The following ZFYVE28 variants were observed in gnomAD, a reference collection of about 807,000 sequenced individuals.
ZFYVE28 encodes the protein lateral signaling target protein 2 homolog.
A neutral mutation model predicts 82.1 loss-of-function variants in ZFYVE28; 40 were observed. That is an observed-to-expected ratio of 0.49 (90% CI 0.38 to 0.63). ZFYVE28 has a LOEUF of 0.63. ZFYVE28 is among the 30% of genes least tolerant of loss of function. The probability of loss-of-function intolerance (pLI) is 0.00; values close to 1 mark genes in which losing one functional copy is unlikely to be tolerated. For synonymous variants in ZFYVE28, 612 were observed against 546.1 expected (o/e 1.12, Z -1.68); for missense variants, 1,321 against 1,242.1 (o/e 1.06, Z -0.96).
chr4:2,350,443 G>C (rs184222343), intron 2 of ZFYVE28, among the ~76,000 whole-genome samples: 1 of 151,420 alleles, frequency 6.6e-6, no homozygotes, highest in African/African-American at 2.4e-5. Context: ...CAGCCTGGGC[G>C]ACAGAGCGAG....
At chr4:2,404,978 C>T (rs928508600) in intron 1 of ZFYVE28, among the ~76,000 whole-genome samples, 3 of 151,856 alleles carry the variant, frequency 2.0e-5, no homozygotes, top group African/African-American at 7.3e-5. Flanking sequence ...CAATCCGTCC[C>T]CCTTGGCCAC....
In ZFYVE28 at chr4:2,360,035, AC is replaced by A. The variant is rs572608983; in HGVS notation, c.40-5963del. 2.5e-3 allele frequency among the ~76,000 whole-genome samples: 375 copies of A among 152,004 alleles called. 3 individuals carry two copies. Among genetic ancestry groups the A allele is most frequent in the African/African-American group, 7.8e-3 (325 of 41,448 alleles). On this transcript the variant is annotated intron_variant, in intron 1 of 12. Transcript: ENST00000290974. ...GGACAAGCGCACGGCGTCTACAACA[AC>A]CTGCGAGGCCATTTGTGGTTCTCTG...
At chr4:2,393,347 G>A (rs1175044286) in intron 1 of ZFYVE28, among the ~76,000 whole-genome samples, 3 of 152,354 alleles carry the variant, frequency 2.0e-5, no homozygotes, top group East Asian at 1.9e-4. Flanking sequence ...AAACTCCTGG[G>A]CTGGGAATTC....
intron 1 of ZFYVE28, among the ~76,000 whole-genome samples, chr4:2,398,422 C>T (rs1730719959): frequency 1.3e-5 from 2 of 152,296 alleles, no homozygotes; most frequent in South Asian, 4.1e-4. Context: ...CCAAGCGGGG[C>T]TGCTACATGG....
At chr4:2,274,606 A>G (rs1399285310) in intron 8 of ZFYVE28, among the ~76,000 whole-genome samples, 1 of 152,030 alleles carries the variant, frequency 6.6e-6, no homozygotes, top group Non-Finnish European at 1.5e-5. Flanking sequence ...GCCCCCAAAA[A>G]TATCTCTCCC....
intron 7 of ZFYVE28, among the ~76,000 whole-genome samples, chr4:2,314,817 C>T (rs1717974634): frequency 1.3e-5 from 2 of 152,204 alleles, no homozygotes. Context: ...GCCTCACTGT[C>T]ATCCAAGCTG....
At position 2,304,735 on chromosome 4, in the gene ZFYVE28, C is replaced by T. The variant is rs755432311; in HGVS notation, c.1605G>A (p.Glu535=). 1 of 1,612,752 alleles carries T rather than the reference C, an allele frequency of 6.2e-7. No individual in the cohort carries two copies. Among genetic ancestry groups the T allele is most frequent in the South Asian group, 1.1e-5 (1 of 91,076 alleles). The change falls in exon 8 of 13, where the codon GAG becomes GAA. Residue 535 remains glutamate (E), a synonymous_variant. Transcript: ENST00000290974. ...TSLDSAVATQ[E]AASEPVAEGM... The stretch of plus-strand genomic sequence containing the variant: ...CCTCGGCCACGGGCTCCGAGGCGGC[C>T]TCCTGGGTGGCGACCGCAGAGTCCA...
At chr4:2,370,222 C>T (rs1199624845) in intron 1 of ZFYVE28, among the ~76,000 whole-genome samples, 1 of 152,116 alleles carries the variant, frequency 6.6e-6, no homozygotes, top group Non-Finnish European at 1.5e-5. Context: ...ATGCCCCTCT[C>T]CCACAGCACC....
At chr4:2,403,352 C>T (rs1357941141) in intron 1 of ZFYVE28, among the ~76,000 whole-genome samples, 1 of 152,262 alleles carries the variant, frequency 6.6e-6, no homozygotes, top group Non-Finnish European at 1.5e-5. Context: ...TGGAACCTTC[C>T]ATTGAGAGAA....
At chr4:2,348,340 A>C (rs1168080936) in intron 2 of ZFYVE28, among the ~76,000 whole-genome samples, 1 of 152,242 alleles carries the variant, frequency 6.6e-6, no homozygotes, top group Admixed American at 6.5e-5. Flanking sequence ...AGAAAACTCC[A>C]GTTCCAGATA....
intron 1 of ZFYVE28, among the ~76,000 whole-genome samples, chr4:2,354,642 A>G (rs1330660142): frequency 2.6e-5 from 4 of 151,926 alleles, no homozygotes; most frequent in Non-Finnish European, 5.9e-5. Flanking sequence ...TATTTTTAGT[A>G]GAGACGGGGT....
intron 1 of ZFYVE28, chr4:2,406,514 T>A (rs895262983): frequency 6.6e-6 from 1 of 152,300 alleles, no homozygotes; most frequent in Non-Finnish European, 1.5e-5. Context: ...GGAAACATGC[T>A]GTCACTCTGC....
intron 1 of ZFYVE28, among the ~76,000 whole-genome samples, chr4:2,356,150 G>T (rs545441729): frequency 6.6e-6 from 1 of 152,258 alleles, no homozygotes; most frequent in East Asian, 1.9e-4. Flanking sequence ...CCTGGGGTGG[G>T]GAGAGCAAAC....
Position 2,304,982 on chromosome 4 carries a change from T to G in ZFYVE28, c.1358A>C (p.Glu453Ala). The G allele has an allele frequency of 6.2e-7, 1 of 1,612,678 alleles. No individual in the cohort carries two copies. Among genetic ancestry groups the G allele is most frequent in the Middle Eastern group, 1.6e-4 (1 of 6,062 alleles). ...GTTGTTGCTCAAGTCCTCCTCCTTTTCCGAGGCGGGCAAGCTGATCCCCGC... is the reference window on the plus strand; with the variant it reads ...GTTGTTGCTCAAGTCCTCCTCCTTTGCCGAGGCGGGCAAGCTGATCCCCGC... ...GAAGISLPAS[E>A]KEEDLSNNNL... Residue 453 changes from glutamate (E) to alanine (A), a missense_variant, in exon 8 of 13, where the codon GAA becomes GCA. Physicochemically the swap from Glu to Ala is moderately radical, Grantham distance 107 (BLOSUM62 -1). Around this residue, in one of 2 missense-constraint regions of ZFYVE28, gnomAD observed 978 missense variants for 833.7 expected, o/e 1.17. Transcript: ENST00000290974.
chr4:2,321,278 C>T (rs1719034652), intron 6 of ZFYVE28, among the ~76,000 whole-genome samples: 1 of 152,190 alleles, frequency 6.6e-6, no homozygotes, highest in South Asian at 2.1e-4. Flanking sequence ...GTCCAGCCAA[C>T]ACCGAGTCCC....
chr4:2,310,958 G>C (rs1717389855), intron 7 of ZFYVE28, among the ~76,000 whole-genome samples: 1 of 152,116 alleles, frequency 6.6e-6, no homozygotes, highest in Non-Finnish European at 1.5e-5. Flanking sequence ...TTAAAATAAT[G>C]AATTCAACTT....
intron 2 of ZFYVE28, among the ~76,000 whole-genome samples, chr4:2,350,335 G>A (rs913923659): frequency 2.6e-5 from 4 of 151,946 alleles, no homozygotes; most frequent in African/African-American, 4.8e-5. Context: ...GAGGTGGCGG[G>A]CGCCTGTAGT....
chr4:2,391,957 C>T (rs1307243240), intron 1 of ZFYVE28, among the ~76,000 whole-genome samples: 1 of 151,858 alleles, frequency 6.6e-6, no homozygotes, highest in Non-Finnish European at 1.5e-5. Flanking sequence ...GAGTTTGAGA[C>T]CAACCTGGCC....
At chr4:2,406,062 A>AAAAG (rs1553867780) in intron 1 of ZFYVE28, among the ~76,000 whole-genome samples, 70 of 125,074 alleles carry the variant, frequency 5.6e-4, no homozygotes, top group Non-Finnish European at 7.9e-4. Flanking sequence ...AAAAAAAAAA[A>AAAAG]AAAGAAAGAA....
Sources: gnomAD v4.1 joint callset for allele counts (sites outside exome capture counted in the v4.1 genomes callset) on GRCh38, gnomAD v4.1.1 for gene constraint, gnomAD v4.1.1 regional missense constraint, MANE v1.5 for transcripts, NCBI Gene and HGNC (gene_info 2026-07-23, HGNC 2026-07-21) for gene names.